BBX: variants seen among roughly 807,000 people sequenced by gnomAD.
The protein encoded by BBX is BBX high mobility group box domain containing.
A neutral mutation model predicts 100.2 loss-of-function variants in BBX; 30 were observed. The observed-to-expected ratio is 0.30, with a 90% confidence interval of 0.22 to 0.41. BBX has a LOEUF of 0.41. BBX is among the 10% of genes least tolerant of loss of function. BBX has a pLI of 1.00. For missense variants in BBX, 1,023 were observed against 1,129.8 expected (o/e 0.91, Z 1.35); for synonymous variants, 376 against 388.1 (o/e 0.97, Z 0.37).
chr3:107,673,720 C>A (rs923581872), intron 3 of BBX, among the ~76,000 whole-genome samples: 1 of 151,950 alleles, frequency 6.6e-6, no homozygotes, highest in Non-Finnish European at 1.5e-5. Flanking sequence ...TTAGAAATTT[C>A]TCTTATTCTG....
At chr3:107,646,112 C>T (rs913724623) in intron 3 of BBX, 7 of 152,102 alleles carry the variant, frequency 4.6e-5, no homozygotes, top group African/African-American at 1.7e-4. Context: ...CTTTTAAAAT[C>T]ATGAAAGTGT....
chr3:107,616,742 A>C (rs925946476), intron 2 of BBX, among the ~76,000 whole-genome samples: 2 of 151,872 alleles, frequency 1.3e-5, no homozygotes, highest in African/African-American at 4.8e-5. Flanking sequence ...TTCTAACTGG[A>C]GTTTTTCTTA....
At chr3:107,712,731 A>G (rs925643656) in intron 4 of BBX, among the ~76,000 whole-genome samples, 26 of 152,278 alleles carry the variant, frequency 1.7e-4, no homozygotes, top group African/African-American at 5.8e-4. Context: ...AGCCAGAGGA[A>G]TCCCTTCAAA....
chr3:107,778,228 G>T (rs1203687828), intron 12 of BBX, 143 bp from the exon 13 acceptor site: 5 of 909,552 alleles, frequency 5.5e-6, no homozygotes, highest in Non-Finnish European at 8.3e-6. Context: ...TTCAGAAAAG[G>T]TGTTTTTTTC....
chr3:107,670,956 T>A (rs1357518700), intron 3 of BBX, among the ~76,000 whole-genome samples: 6 of 152,102 alleles, frequency 3.9e-5, no homozygotes, highest in Admixed American at 2.6e-4. Context: ...AAAACAATTT[T>A]AAAAAATATA....
intron 10 of BBX, among the ~76,000 whole-genome samples, chr3:107,766,623 A>G (rs2066415584): frequency 6.6e-6 from 1 of 152,224 alleles, no homozygotes. Flanking sequence ...TGTATATTAA[A>G]TCAAAGTTAG....
intron 3 of BBX, among the ~76,000 whole-genome samples, chr3:107,702,743 T>G (rs1309183434): frequency 6.6e-6 from 1 of 152,160 alleles, no homozygotes; most frequent in Non-Finnish European, 1.5e-5. Flanking sequence ...AGTGTTGCAG[T>G]GATCAAAAAA....
chr3:107,567,141 G>A (rs562230319), intron 2 of BBX, among the ~76,000 whole-genome samples: 4 of 152,188 alleles, frequency 2.6e-5, no homozygotes, highest in South Asian at 2.1e-4. Flanking sequence ...CTGCAGGTTA[G>A]CAGTATTTAG....
At chr3:107,743,210 A>C (rs895400003) in intron 7 of BBX, among the ~76,000 whole-genome samples, 3 of 152,226 alleles carry the variant, frequency 2.0e-5, no homozygotes, top group African/African-American at 7.2e-5. Flanking sequence ...ATTATTTACC[A>C]AATAATCTAG....
At chr3:107,655,053 CTGTACATTTTTACTA>C (rs1459277842) in intron 3 of BBX, among the ~76,000 whole-genome samples, 3 of 152,320 alleles carry the variant, frequency 2.0e-5, no homozygotes, top group African/African-American at 7.2e-5. Flanking sequence ...CGGCTTCAAA[CTGTACATTTTTACTA>C]TGTTGGGAAA....
chr3:107,697,741 G>T (rs968721133), intron 3 of BBX, among the ~76,000 whole-genome samples: 2 of 151,902 alleles, frequency 1.3e-5, no homozygotes, highest in East Asian at 1.9e-4. Flanking sequence ...CGAGCTTCCT[G>T]GCTGCTTTGT....
intron 2 of BBX, among the ~76,000 whole-genome samples, chr3:107,616,369 A>G (rs1294124730): frequency 6.6e-6 from 1 of 152,130 alleles, no homozygotes; most frequent in Non-Finnish European, 1.5e-5. Context: ...CTCAGCCTGT[A>G]ATACAGAGAG....
chr3:107,528,343 A>G (rs1026723143), intron 2 of BBX, among the ~76,000 whole-genome samples: 2 of 152,174 alleles, frequency 1.3e-5, no homozygotes, highest in Admixed American at 1.3e-4. Context: ...TGCATTTCAC[A>G]TTTAATGCTA....
chr3:107,642,499 G>A (rs563953582), intron 2 of BBX, among the ~76,000 whole-genome samples: 2 of 152,132 alleles, frequency 1.3e-5, no homozygotes, highest in Non-Finnish European at 2.9e-5. Context: ...TGGAAGAGTG[G>A]GTATTAGAAC....
chr3:107,624,572 T>C (rs1484729351), intron 2 of BBX, among the ~76,000 whole-genome samples: 2 of 152,152 alleles, frequency 1.3e-5, no homozygotes, highest in Admixed American at 1.3e-4. Context: ...TGATTTCTTT[T>C]AGTTAAAAGT....
At chr3:107,602,689 G>A (rs1414996756) in intron 2 of BBX, among the ~76,000 whole-genome samples, 3 of 152,192 alleles carry the variant, frequency 2.0e-5, no homozygotes, top group Non-Finnish European at 4.4e-5. Context: ...TGTAGAAGTG[G>A]TAGAAATAGC....
At chr3:107,543,313 G>C (rs2107373126) in intron 2 of BBX, among the ~76,000 whole-genome samples, 1 of 152,236 alleles carries the variant, frequency 6.6e-6, no homozygotes, top group Admixed American at 6.5e-5. Context: ...CTTCTGGTTT[G>C]GTGTTTTGCT....
At chr3:107,681,500 G>T (rs934111481) in intron 3 of BBX, among the ~76,000 whole-genome samples, 2 of 152,186 alleles carry the variant, frequency 1.3e-5, no homozygotes, top group Non-Finnish European at 2.9e-5. Flanking sequence ...CTGGGAGTGG[G>T]TGTAGGGGTC....
chr3:107,726,041 T>C (rs1452867344), intron 5 of BBX, among the ~76,000 whole-genome samples: 1 of 152,032 alleles, frequency 6.6e-6, no homozygotes, highest in Non-Finnish European at 1.5e-5. Context: ...GGGGCCTGTC[T>C]CTTAGGCCTT....
Sources: gnomAD v4.1 joint callset for allele counts (sites outside exome capture counted in the v4.1 genomes callset) on GRCh38, gnomAD v4.1.1 for gene constraint, MANE v1.5 for transcripts, NCBI Gene and HGNC (gene_info 2026-07-23, HGNC 2026-07-21) for gene names.